Variants in CAPS2 observed in about 807,000 individuals in gnomAD.
CAPS2 encodes the protein calcyphosin-2.
CAPS2 carries 98 observed loss-of-function variants against 86.5 expected under a neutral mutation model. The observed-to-expected ratio is 1.13, with a 90% CI of 0.96 to 1.34. The LOEUF (loss-of-function observed/expected upper bound fraction) is 1.34. Ranked by LOEUF, CAPS2 falls within the 40% of genes most tolerant of loss-of-function variation. CAPS2 has a pLI of 0.00. For missense variants in CAPS2, 729 were observed against 686.8 expected (o/e 1.06, Z -0.69); for synonymous variants, 210 against 225.1 (o/e 0.93, Z 0.60).
intron 12 of CAPS2, among the ~76,000 whole-genome samples, chr12:75,292,145 C>A (rs1281500766): frequency 6.6e-6 from 1 of 152,104 alleles, no homozygotes; most frequent in Non-Finnish European, 1.5e-5. Flanking sequence ...CGGCTCACTG[C>A]AACCTCCGCC....
At chr12:75,357,216 T>A (rs1235964764) in intron 1 of CAPS2, among the ~76,000 whole-genome samples, 1 of 152,098 alleles carries the variant, frequency 6.6e-6, no homozygotes, top group African/African-American at 2.4e-5. Flanking sequence ...TGCTGCACTG[T>A]TTACATTAGT....
downstream of CAPS2, chr12:75,276,415 A>G: frequency 1.0e-6 from 1 of 981,362 alleles, no homozygotes; most frequent in Non-Finnish European, 1.2e-6. Flanking sequence ...GTCAAAAGTA[A>G]TATGTAAAAT....
chr12:75,300,254 A>T (rs932621074), intron 8 of CAPS2, among the ~76,000 whole-genome samples: 1 of 151,884 alleles, frequency 6.6e-6, no homozygotes, highest in African/African-American at 2.4e-5. Flanking sequence ...CTTCCCTCAC[A>T]CCATAGAATT....
At chr12:75,338,220 C>T (rs539516926) in intron 1 of CAPS2, among the ~76,000 whole-genome samples, 3 of 152,094 alleles carry the variant, frequency 2.0e-5, no homozygotes, top group Non-Finnish European at 4.4e-5. Flanking sequence ...CAATTGAATC[C>T]AGCAACACAT....
intron 1 of CAPS2, among the ~76,000 whole-genome samples, chr12:75,389,832 G>T (rs766956695): frequency 6.6e-6 from 1 of 152,124 alleles, no homozygotes; most frequent in Non-Finnish European, 1.5e-5. Context: ...CTGCCTGATT[G>T]CTAATTCACT....
chr12:75,350,809 C>T (rs2042757984), intron 1 of CAPS2, among the ~76,000 whole-genome samples: 1 of 152,202 alleles, frequency 6.6e-6, no homozygotes, highest in African/African-American at 2.4e-5. Flanking sequence ...GATCACAACA[C>T]ATCTCCAGCA....
chr12:75,352,549 T>G (rs1164915995), intron 1 of CAPS2, among the ~76,000 whole-genome samples: 1 of 152,152 alleles, frequency 6.6e-6, no homozygotes, highest in Non-Finnish European at 1.5e-5. Flanking sequence ...CACACAATAA[T>G]AGTGGAAGAT....
upstream of CAPS2, among the ~76,000 whole-genome samples, chr12:75,330,568 CTTA>C (rs1192650795): frequency 6.6e-6 from 1 of 152,054 alleles, no homozygotes; most frequent in Non-Finnish European, 1.5e-5. Context: ...GGAGCTTGCA[CTTA>C]TTTTTTTTAA....
At chr12:75,330,570 TA>T (rs1275560250), upstream of CAPS2, among the ~76,000 whole-genome samples, 1 of 152,238 alleles carries the variant, frequency 6.6e-6, no homozygotes, top group Non-Finnish European at 1.5e-5. Flanking sequence ...AGCTTGCACT[TA>T]TTTTTTTTAA....
chr12:75,385,435 T>C (rs894469868), intron 1 of CAPS2, among the ~76,000 whole-genome samples: 2 of 152,004 alleles, frequency 1.3e-5, no homozygotes, highest in Admixed American at 1.3e-4. Flanking sequence ...AAACTAGGAA[T>C]AGTAGGAAAC....
chr12:75,311,714 A>AAAAAAAAC (rs2039223907), intron 7 of CAPS2, among the ~76,000 whole-genome samples: 4 of 61,874 alleles, frequency 6.5e-5, no homozygotes, highest in African/African-American at 2.5e-4. Flanking sequence ...AAAAAAAACA[A>AAAAAAAAC]AAAAAAAAAC....
chr12:75,334,370 G>A (rs2139204975), upstream of CAPS2: 1 of 613,474 alleles, frequency 1.6e-6, no homozygotes, highest in Non-Finnish European at 2.1e-6. Context: ...TCAGCATCCC[G>A]CACTTGTTCT....
intron 1 of CAPS2, chr12:75,366,811 A>C: frequency 1.4e-6 from 1 of 697,370 alleles, no homozygotes; most frequent in Non-Finnish European, 2.6e-6. Flanking sequence ...CACCTCTGAG[A>C]GGGCTAAAAA....
chr12:75,281,639 T>C (rs978135956), intron 16 of CAPS2, among the ~76,000 whole-genome samples: 5 of 152,064 alleles, frequency 3.3e-5, no homozygotes, highest in African/African-American at 1.2e-4. Context: ...GAAATATATA[T>C]ATGCTAAATG....
At position 75,285,098 on chromosome 12, in the gene CAPS2, T is replaced by C. The variant is rs2034632667; in HGVS notation, c.1396-18A>G. 2 of 1,598,018 alleles carry C rather than the reference T, an allele frequency of 1.3e-6. No homozygotes were observed. Among genetic ancestry groups the C allele is most frequent in the African/African-American group, 1.3e-5 (1 of 74,256 alleles). ...TCAAAATCCTAGAAACAATCAGAGA[T>C]AACTGTTGCATTTTTAAGTTACATA... is the stretch of plus-strand genomic sequence containing the variant. On this transcript the variant is annotated intron_variant, in intron 14 of 16. Coordinates refer to ENST00000393284, the Ensembl canonical transcript of CAPS2.
intron 8 of CAPS2, among the ~76,000 whole-genome samples, chr12:75,301,528 C>T (rs774125097): frequency 3.3e-5 from 5 of 152,188 alleles, no homozygotes; most frequent in Admixed American, 6.5e-5. Flanking sequence ...AGATACTAGT[C>T]ATTGTTAAAA....
chr12:75,298,131 T>C (rs891903897), intron 11 of CAPS2: 11 of 154,098 alleles, frequency 7.1e-5, no homozygotes, highest in African/African-American at 1.4e-4. Flanking sequence ...CGATATAAAG[T>C]GTAAATATGA....
chr12:75,354,317 A>G (rs2043009528), intron 1 of CAPS2, among the ~76,000 whole-genome samples: 1 of 152,100 alleles, frequency 6.6e-6, no homozygotes, highest in Admixed American at 6.6e-5. Context: ...AAAAAGTCAC[A>G]AGCATTCCTG....
chr12:75,284,848 C>T lies in CAPS2; in HGVS notation c.1515+113G>A, dbSNP rs1008592285. On this transcript the variant is annotated intron_variant, in intron 15 of 16. Transcript: ENST00000393284. ...CTGTTTTCTGTTTTACTAAACCCAA[C>T]ATATAAGTAAATAGATTTAAAACTT... is the stretch of plus-strand genomic sequence containing the variant. The T allele has an allele frequency of 8.1e-6, 8 of 988,812 alleles. No individual in the cohort carries two copies. In the African/African-American group the frequency reaches 8.4e-5, roughly 10 times the overall value. The allele number at this position is 988,812 out of a possible 1,614,324, so 61.3% of individuals were successfully genotyped here.
Sources: allele counts gnomAD v4.1 joint callset (sites outside exome capture counted in the v4.1 genomes callset), GRCh38; gene constraint gnomAD v4.1.1; transcripts MANE v1.5; gene names NCBI Gene and HGNC (gene_info 2026-07-23, HGNC 2026-07-21).